The following TTN variants were observed in gnomAD, a reference collection of about 807,000 sequenced individuals.
TTN encodes connectin.
In TTN, 1,525 loss-of-function variants were observed where a neutral mutation model predicts 3,223.0. The observed-to-expected ratio is 0.47, with a 90% CI of 0.45 to 0.49. The LOEUF (loss-of-function observed/expected upper bound fraction) is 0.49, where lower values mean the gene tolerates loss of function less well. Among genes scored for constraint, TTN ranks in the 20% least tolerant of loss-of-function variants. TTN has a pLI of 0.00. For missense variants in TTN, 40,786 were observed against 43,424.0 expected (o/e 0.94, Z 5.40); for synonymous variants, 14,094 against 15,161.0 (o/e 0.93, Z 5.17).
intron 46 of TTN, among the ~76,000 whole-genome samples, chr2:178,754,261 C>T (rs2086356659): frequency 6.6e-6 from 1 of 151,476 alleles, no homozygotes; most frequent in Non-Finnish European, 1.5e-5. Flanking sequence ...CTTATTAAGC[C>T]AAAATAAAAA....
rs368855843 is a variant in TTN at position 178,757,624 on chromosome 2, C to G, written c.10596G>C (p.Glu3532Asp). ...ALMLIVDAYS[E>D]HAGQYSCKAA... ...CTTTGCAAGAGTACTGCCCAGCATGCTCTGAGTAAGCATCAACTATAAGCA... is the reference window on the plus strand; with the variant it reads ...CTTTGCAAGAGTACTGCCCAGCATGGTCTGAGTAAGCATCAACTATAAGCA... Residue 3532 changes from glutamate (E) to aspartate (D), a missense_variant, in exon 45 of 363, where the codon GAG becomes GAC. Physicochemically the swap from Glu to Asp is conservative, Grantham distance 45. Transcript: ENST00000589042. 31 of 1,613,410 alleles carry G rather than the reference C, an allele frequency of 1.9e-5. No individual in the cohort carries two copies. Among genetic ancestry groups the G allele is most frequent in the African/African-American group, 2.7e-5 (2 of 74,906 alleles).
chr2:178,705,414 G>T, intron 102 of TTN, 57 bp from the exon 103 acceptor site: 2 of 1,294,066 alleles, frequency 1.5e-6, no homozygotes, highest in Non-Finnish European at 2.1e-6. Context: ...ATTTTTAATT[G>T]TCTATCATCA....
At position 178,740,378 on chromosome 2, in the gene TTN, T is replaced by C. The variant is rs921588705; in HGVS notation, c.12855A>G (p.Val4285=). ...CTGAAGGGACTAGGGGCTCATAGTT[T>C]ACCTGAGAGATCATGACATCAGGAC... The part of the protein sequence containing the change: ...LQSPDVMISQ[V]NYEPLVPSEH... Residue 4285 remains valine (V), a synonymous_variant, in exon 48 of 363, where the codon GTA becomes GTG. Transcript: ENST00000589042. 4 of 1,613,508 alleles carry C rather than the reference T, an allele frequency of 2.5e-6. No individual in the cohort carries two copies. The highest frequency in any genetic ancestry group is 1.7e-5 in the Admixed American group (1 of 59,958).
rs752417639 is a variant in TTN, at chr2:178,532,953, T to G, written c.103662A>C (p.Glu34554Asp). Reference protein sequence around the residue: ...EPRKYKQTTIEEDQRIKQFVP... With the variant: ...EPRKYKQTTIDEDQRIKQFVP... ...CGAACTGCTTGATGCGTTGGTCTTC[T>G]TCTATGGTAGTCTGCTTATACTTGC... The change falls in exon 358 of 363, where the codon GAA (glutamate) becomes GAC (aspartate). Residue 34554 changes from glutamate to aspartate, a missense_variant. By Grantham distance (45) the Glu-to-Asp change is conservative. Coordinates refer to ENST00000589042, the MANE Select transcript of TTN (RefSeq NM_001267550.2). The G allele has an allele frequency of 2.2e-5, 36 of 1,613,834 alleles. No individual in the cohort carries two copies. The highest frequency in any genetic ancestry group is 3.1e-5 in the Non-Finnish European group (36 of 1,179,886).
chr2:178,614,586 C>T lies in TTN; in HGVS notation c.48928G>A (p.Val16310Ile), dbSNP rs1401698279. The change falls in exon 261 of 363, where the codon GTC becomes ATC. Residue 16310 changes from valine (V) to isoleucine (I), a missense_variant. Val to Ile is a conservative substitution (Grantham distance 29, BLOSUM62 3). Transcript: ENST00000589042. ...KQDKRITIEN[V>I]PKKSTVTIVD... Reference sequence around the variant, plus strand: ...ATAGTCACTGTGGATTTCTTAGGGACATTTTCAATGGTAATTCTTTTGTCC... The same window carrying T: ...ATAGTCACTGTGGATTTCTTAGGGATATTTTCAATGGTAATTCTTTTGTCC... 1 of 1,612,366 alleles carries T rather than the reference C, an allele frequency of 6.2e-7. No individual in the cohort carries two copies.
At chr2:178,671,244 C>A (rs1481911234) in intron 155 of TTN, 74 bp from the exon 156 acceptor site, 1 of 1,019,818 alleles carries the variant, frequency 9.8e-7, no homozygotes, top group Non-Finnish European at 1.4e-6. Context: ...AACGTTAGTA[C>A]AATGAGGGGT....
At chr2:178,751,705 T>C (rs1359410156) in intron 47 of TTN, 1 of 1,613,218 alleles carries the variant, frequency 6.2e-7, no homozygotes, top group Non-Finnish European at 8.5e-7. Context: ...TTTTAATCTC[T>C]AAGCTGGAAG....
chr2:178,598,554 A>C lies in TTN; in HGVS notation c.57063T>G (p.Thr19021=). The C allele has an allele frequency of 3.1e-6, 5 of 1,609,028 alleles. No homozygotes were observed. Among genetic ancestry groups the C allele is most frequent in the Non-Finnish European group, 4.2e-6 (5 of 1,178,734 alleles). ...CTTCTTTATATTCAACGATGTATCC[A>C]GTTACTTTGGATCCACCATCTTTTA... The part of the protein sequence containing the change: ...PPLKDGGSKV[T]GYIVEYKEEG... Residue 19021 remains threonine, a synonymous_variant, in exon 292 of 363, where the codon ACT becomes ACG. Transcript: ENST00000589042.
Position 178,704,683 on chromosome 2 carries a change from A to C in TTN, c.29789T>G (p.Ile9930Ser), listed in dbSNP as rs757077819. The C allele has an allele frequency of 1.3e-5, 21 of 1,611,568 alleles. No homozygotes were observed. The highest frequency in any genetic ancestry group is 1.7e-5 in the Non-Finnish European group (20 of 1,178,868). Reference protein sequence around the residue: ...EIDIKINYPEIKLSWYKGTEK... With the variant: ...EIDIKINYPESKLSWYKGTEK... Reference sequence around the variant, plus strand: ...AGTTCCTTTGTACCACGAAAGCTTGATTTCTGGATAATTAATTTTAATGTC... The same window carrying C: ...AGTTCCTTTGTACCACGAAAGCTTGCTTTCTGGATAATTAATTTTAATGTC... Residue 9930 changes from isoleucine (I) to serine (S), a missense_variant, in exon 105 of 363, where the codon ATC (isoleucine) becomes AGC (serine). Ile to Ser is a moderately radical substitution (Grantham distance 142). Coordinates refer to ENST00000589042, the MANE Select transcript of TTN (RefSeq NM_001267550.2).
At chr2:178,630,414 G>T in intron 238 of TTN, 47 bp from the exon 239 acceptor site, 1 of 1,541,136 alleles carries the variant, frequency 6.5e-7, no homozygotes, top group Non-Finnish European at 8.7e-7. Context: ...AATTTTCTTT[G>T]AAATTTTGTT....
At position 178,715,337 on chromosome 2, in the gene TTN, C is replaced by T. The variant is rs765961146; in HGVS notation, c.25922-73G>A. 975 of 1,518,758 alleles carry T rather than the reference C, an allele frequency of 6.4e-4. 1 individual carries two copies. Among genetic ancestry groups the T allele is most frequent in the Non-Finnish European group, 7.1e-4 (810 of 1,136,146 alleles). The allele number at this position is 1,518,758 out of a possible 1,614,324, so 94.1% of individuals were successfully genotyped here. On this transcript the variant is annotated intron_variant, in intron 89 of 362. Transcript: ENST00000589042. ...GTTAAAAGTAAGAATCAATCTTCCA[C>T]TCCATCAGAGAGATAGAGAGTGAAA... is the stretch of plus-strand genomic sequence containing the variant.
chr2:178,701,698 G>A, intron 109 of TTN, 111 bp from the exon 110 acceptor site: 3 of 1,071,278 alleles, frequency 2.8e-6, no homozygotes, highest in Non-Finnish European at 4.2e-6. Flanking sequence ...ATATCTAATG[G>A]CAGAATCTAA....
Position 178,543,297 on chromosome 2 carries a change from G to A in TTN, c.96676C>T (p.Pro32226Ser), listed in dbSNP as rs1060500595. Residue 32226 changes from proline (P) to serine (S), a missense_variant, in exon 347 of 363, where the codon CCA becomes TCA. By Grantham distance (74) the Pro-to-Ser change is moderately conservative. Coordinates refer to ENST00000589042, the MANE Select transcript of TTN (RefSeq NM_001267550.2). The stretch of plus-strand genomic sequence containing the variant: ...AGTCGGCTACCACCATCGTAGAGTG[G>A]TTTTTCCCAGGCAAGGGTAACAGTG... ...KSTVTLAWEK[P>S]LYDGGSRLTG... 1 of 1,613,682 alleles carries A rather than the reference G, an allele frequency of 6.2e-7. No individual in the cohort carries two copies. Among genetic ancestry groups the A allele is most frequent in the African/African-American group, 1.3e-5 (1 of 74,898 alleles).
rs755328785 is a variant in TTN, at chr2:178,542,361, G to C, written c.97395C>G (p.Thr32465=). The C allele has an allele frequency of 2.5e-6, 4 of 1,613,428 alleles. No individual in the cohort carries two copies. Among genetic ancestry groups the C allele is most frequent in the Non-Finnish European group, 3.4e-6 (4 of 1,179,666 alleles). ...CACGGAACACATACTCATTTCCTTC[G>C]GTGAGTCTGGTAAACTTAAACGTGG... is the stretch of plus-strand genomic sequence containing the variant. ...TRSTFKFTRL[T]EGNEYVFRVA... Residue 32465 remains threonine (T), a synonymous_variant, in exon 349 of 363, where the codon ACC becomes ACG. Transcript: ENST00000589042.
rs1352067592 is a variant in TTN, at chr2:178,756,642, C to T, written c.10834G>A (p.Val3612Ile). 5 of 1,613,670 alleles carry T rather than the reference C, an allele frequency of 3.1e-6. No homozygotes were observed. The African/African-American group carries it at 4.0e-5, about 13-fold the overall frequency. The change falls in exon 46 of 363, where the codon GTT (valine) becomes ATT (isoleucine). Residue 3612 changes from valine to isoleucine, a missense_variant. Physicochemically the swap from Val to Ile is conservative, Grantham distance 29. Coordinates refer to ENST00000589042, the MANE Select transcript of TTN (RefSeq NM_001267550.2). The stretch of plus-strand genomic sequence containing the variant: ...GAACTTTGAGATACACTTTCAAAAA[C>T]CTGCACTTCATATTCATATGATGAT... Reference protein sequence around the residue: ...QGSSYEYEVQVFESVSQSSIH... With the variant: ...QGSSYEYEVQIFESVSQSSIH...
chr2:178,756,087 G>C (rs2086840522), intron 46 of TTN, 135 bp downstream of exon 46: 1 of 670,250 alleles, frequency 1.5e-6, no homozygotes, highest in Admixed American at 3.0e-5. Flanking sequence ...CTGACTTTCA[G>C]AAGTCACTTA....
At chr2:178,619,000 T>G (rs769456158) in intron 250 of TTN, 147 bp from the exon 251 acceptor site, 24 of 1,101,480 alleles carry the variant, frequency 2.2e-5, no homozygotes, top group Non-Finnish European at 2.7e-5. Context: ...CTAAGTGGCT[T>G]AGAGTTCTCA....
At chr2:178,726,601 T>C (rs939201461) in intron 69 of TTN, 2 of 152,674 alleles carry the variant, frequency 1.3e-5, no homozygotes, top group African/African-American at 4.8e-5. Flanking sequence ...GGTATAGTCA[T>C]ATAATTTTTA....
chr2:178,600,583 C>T, intron 288 of TTN: 1 of 457,644 alleles, frequency 2.2e-6, no homozygotes, highest in Non-Finnish European at 4.0e-6. Context: ...TTGCTTTAGC[C>T]TCTGATAAAT....
Sources: allele counts gnomAD v4.1 joint callset (sites outside exome capture counted in the v4.1 genomes callset), GRCh38; gene constraint gnomAD v4.1.1; transcripts MANE v1.5; gene names NCBI Gene and HGNC (gene_info 2026-07-23, HGNC 2026-07-21).